The following STK32B variants were observed in gnomAD, a reference collection of about 807,000 sequenced individuals.
The protein encoded by STK32B is serine/threonine kinase 32B, also known as serine/threonine-protein kinase 32B.
In STK32B, 43 loss-of-function variants were observed where a neutral mutation model predicts 52.6. That is an observed-to-expected ratio of 0.82 (90% CI 0.64 to 1.05). STK32B has a LOEUF of 1.05. Among genes scored for constraint, STK32B ranks in the 50% least tolerant of loss-of-function variants. The pLI is 0.00. For synonymous variants in STK32B, 238 were observed against 204.3 expected (o/e 1.17, Z -1.41); for missense variants, 621 against 534.6 (o/e 1.16, Z -1.59).
intron 6 of STK32B, among the ~76,000 whole-genome samples, chr4:5,443,104 A>T (rs1714958691): frequency 6.6e-6 from 1 of 150,766 alleles, no homozygotes; most frequent in Non-Finnish European, 1.5e-5. Context: ...CTTCTCGAGG[A>T]GTATCTTGGT....
In STK32B at chr4:5,500,653, A is replaced by ATATT. The variant is rs1287246995; in HGVS notation, c.*1572_*1575dup. On this transcript the variant is annotated 3_prime_UTR_variant, in exon 12 of 12. Transcript: ENST00000282908. ...ACATTTTAATGTATGGTTAGGTTTT[A>ATATT]TATTTTTATTTTTTAAAAAAGAAAT... 2 of 152,100 alleles carry ATATT rather than the reference A, an allele frequency of 1.3e-5. No homozygotes were observed. Among genetic ancestry groups the ATATT allele is most frequent in the African/African-American group, 2.4e-5 (1 of 41,404 alleles). 9.4% of individuals were successfully genotyped at this position (152,100 alleles called of 1,614,324 possible). A position where few individuals can be genotyped will look rare whatever the true frequency, so the allele number is the denominator to read the frequency against.
chr4:5,333,290 T>G (rs931402622), intron 4 of STK32B, among the ~76,000 whole-genome samples: 1 of 152,232 alleles, frequency 6.6e-6, no homozygotes, highest in Non-Finnish European at 1.5e-5. Flanking sequence ...TTTTGAGAAG[T>G]GTCTGTTCAT....
At chr4:5,091,807 G>A (rs1455277977) in intron 1 of STK32B, among the ~76,000 whole-genome samples, 1 of 152,172 alleles carries the variant, frequency 6.6e-6, no homozygotes. Context: ...GGCAAATGTT[G>A]ATCAACTGAT....
chr4:5,382,862 G>A (rs1736018567), intron 4 of STK32B, among the ~76,000 whole-genome samples: 1 of 152,138 alleles, frequency 6.6e-6, no homozygotes, highest in Non-Finnish European at 1.5e-5. Flanking sequence ...AGGAAACTGA[G>A]GCTCAGAGAG....
At chr4:5,179,451 T>C (rs1187498146) in intron 3 of STK32B, among the ~76,000 whole-genome samples, 1 of 152,192 alleles carries the variant, frequency 6.6e-6, no homozygotes, top group African/African-American at 2.4e-5. Flanking sequence ...CATATATACA[T>C]GCCTATATGT....
intron 1 of STK32B, among the ~76,000 whole-genome samples, chr4:5,090,884 CA>C (rs1204978946): frequency 3.3e-5 from 5 of 152,056 alleles, no homozygotes; most frequent in Non-Finnish European, 7.3e-5. Flanking sequence ...ATGAAATGGA[CA>C]AATTTCTAGA....
At chr4:5,155,711 T>C (rs1717772240) in intron 2 of STK32B, among the ~76,000 whole-genome samples, 1 of 152,124 alleles carries the variant, frequency 6.6e-6, no homozygotes, top group South Asian at 2.1e-4. Context: ...ACTTCCTTGC[T>C]CTCTTTCTCC....
intron 2 of STK32B, among the ~76,000 whole-genome samples, chr4:5,146,157 T>G (rs1716898294): frequency 2.0e-5 from 3 of 151,824 alleles, no homozygotes; most frequent in Admixed American, 6.6e-5. Context: ...TAATAGGATA[T>G]ATGTATATAT....
chr4:5,341,820 A>G (rs1733100848), intron 4 of STK32B, among the ~76,000 whole-genome samples: 1 of 152,112 alleles, frequency 6.6e-6, no homozygotes, highest in South Asian at 2.1e-4. Context: ...CCAGAGCAGG[A>G]GCAAAGGAGA....
intron 3 of STK32B, among the ~76,000 whole-genome samples, chr4:5,249,447 CTT>C (rs2108829779): frequency 5.6e-5 from 2 of 35,462 alleles, no homozygotes; most frequent in East Asian, 1.1e-3. Flanking sequence ...ACCTACCTTC[CTT>C]CCTTCCTTCC....
intron 4 of STK32B, among the ~76,000 whole-genome samples, chr4:5,379,828 CTGT>C (rs1735823732): frequency 1.3e-5 from 2 of 152,198 alleles, no homozygotes; most frequent in Admixed American, 6.5e-5. Flanking sequence ...AAAGAAAAGT[CTGT>C]TGTTTAAGCC....
At chr4:5,202,438 C>G (rs376710310) in intron 3 of STK32B, among the ~76,000 whole-genome samples, 1 of 152,234 alleles carries the variant, frequency 6.6e-6, no homozygotes, top group South Asian at 2.1e-4. Context: ...ACAGTGCTGG[C>G]TGTCAGTGGA....
At chr4:5,119,910 C>T (rs539186582) in intron 1 of STK32B, among the ~76,000 whole-genome samples, 1 of 152,170 alleles carries the variant, frequency 6.6e-6, no homozygotes, top group African/African-American at 2.4e-5. Flanking sequence ...ATGCAATCTA[C>T]GCATAGGCAT....
intron 3 of STK32B, among the ~76,000 whole-genome samples, chr4:5,188,264 G>C (rs1164916373): frequency 6.6e-6 from 1 of 152,188 alleles, no homozygotes; most frequent in Non-Finnish European, 1.5e-5. Context: ...GCAATTTTAT[G>C]TGAAGCTCAC....
At chr4:5,140,980 A>G (rs1417927220) in intron 2 of STK32B, among the ~76,000 whole-genome samples, 3 of 152,224 alleles carry the variant, frequency 2.0e-5, no homozygotes, top group Admixed American at 6.5e-5. Context: ...ATTAAAATAC[A>G]GTAAGGTAAG....
chr4:5,407,769 C>G (rs1737775321), intron 5 of STK32B, among the ~76,000 whole-genome samples: 1 of 152,150 alleles, frequency 6.6e-6, no homozygotes, highest in African/African-American at 2.4e-5. Context: ...TCACCTCCCA[C>G]CAGGTCCCTC....
intron 3 of STK32B, among the ~76,000 whole-genome samples, chr4:5,174,418 A>G (rs942422386): frequency 6.6e-6 from 1 of 152,150 alleles, no homozygotes; most frequent in African/African-American, 2.4e-5. Flanking sequence ...ACAATTTGGC[A>G]TGTTTTTGCA....
chr4:5,201,606 A>C (rs1722152877), intron 3 of STK32B, among the ~76,000 whole-genome samples: 1 of 152,212 alleles, frequency 6.6e-6, no homozygotes, highest in African/African-American at 2.4e-5. Flanking sequence ...GAGCTACCTG[A>C]GACTGGGTCA....
intron 4 of STK32B, among the ~76,000 whole-genome samples, chr4:5,335,727 T>G (rs1385010924): frequency 2.6e-5 from 4 of 152,198 alleles, no homozygotes; most frequent in Non-Finnish European, 5.9e-5. Flanking sequence ...TGCCTTCATT[T>G]CGTTATGTAC....
Sources: allele counts gnomAD v4.1 joint callset (sites outside exome capture counted in the v4.1 genomes callset), GRCh38; gene constraint gnomAD v4.1.1; transcripts MANE v1.5; gene names NCBI Gene and HGNC (gene_info 2026-07-23, HGNC 2026-07-21).